The following LEKR1 variants were observed in gnomAD, a reference collection of about 807,000 sequenced individuals.
LEKR1 encodes the protein leucine, glutamate and lysine rich 1.
Under a neutral mutation model 72.4 loss-of-function variants are expected in LEKR1, and 59 were observed. The ratio of observed to expected loss-of-function variants is 0.82; its 90% CI spans 0.66 to 1.01. The LOEUF (loss-of-function observed/expected upper bound fraction) is 1.01, where lower values mean the gene tolerates loss of function less well. Ranked by LOEUF, LEKR1 falls within the 50% of genes least tolerant of loss-of-function variation. The pLI is 0.00. For missense variants in LEKR1, 728 were observed against 759.2 expected, an observed-to-expected ratio of 0.96 and a Z score of 0.48; for synonymous variants, 257 against 263.2, an observed-to-expected ratio of 0.98 and a Z score of 0.23.
intron 12 of LEKR1, among the ~76,000 whole-genome samples, chr3:157,035,831 G>T (rs555938640): frequency 6.6e-6 from 1 of 152,170 alleles, no homozygotes; most frequent in Admixed American, 6.6e-5. Flanking sequence ...CCCAGAAGGT[G>T]GAGGTTGCAG....
Position 156,870,589 on chromosome 3 carries a change from G to A in LEKR1, c.263+17607G>A, listed in dbSNP as rs564075057. ...CAGATCTAAGAGTTTTTTTCATAGA[G>A]TCTTTAGGTTTTTCTAGATATTTAT... On this transcript the variant is annotated intron_variant, in intron 3 of 12. Coordinates refer to ENST00000356539, the MANE Select transcript of LEKR1 (RefSeq NM_001004316.3). Among the ~76,000 whole-genome samples, 3 of 152,024 alleles carry A rather than the reference G, an allele frequency of 2.0e-5. No homozygotes were observed. In the South Asian group the frequency reaches 6.2e-4, roughly 32 times the overall value.
At chr3:156,879,481 G>T (rs967496699) in intron 3 of LEKR1, among the ~76,000 whole-genome samples, 2 of 152,086 alleles carry the variant, frequency 1.3e-5, no homozygotes, top group Non-Finnish European at 2.9e-5. Flanking sequence ...AAGGGAAACA[G>T]CATAAAAGTT....
chr3:156,878,076 G>T (rs191747725), intron 3 of LEKR1, among the ~76,000 whole-genome samples: 74 of 151,778 alleles, frequency 4.9e-4, no homozygotes, highest in Non-Finnish European at 7.2e-4. Flanking sequence ...CCACCGCACT[G>T]CCCAGCCTCA....
chr3:156,926,075 A>T (rs1724692828), intron 4 of LEKR1, among the ~76,000 whole-genome samples: 1 of 152,062 alleles, frequency 6.6e-6, no homozygotes. Context: ...TAAATTTTTT[A>T]AAGTTCTTGG....
intron 10 of LEKR1, among the ~76,000 whole-genome samples, chr3:157,016,519 A>G (rs1733351228): frequency 6.6e-6 from 1 of 152,098 alleles, no homozygotes; most frequent in Admixed American, 6.6e-5. Flanking sequence ...TAAAATGAAG[A>G]CTTCTTCAGA....
intron 6 of LEKR1, among the ~76,000 whole-genome samples, chr3:156,966,831 T>G (rs1297303786): frequency 6.6e-6 from 1 of 152,146 alleles, no homozygotes; most frequent in Non-Finnish European, 1.5e-5. Flanking sequence ...GACTGCCTCC[T>G]CAAGTGGGTC....
intron 12 of LEKR1, among the ~76,000 whole-genome samples, chr3:157,045,100 T>C (rs1735657686): frequency 6.6e-6 from 1 of 152,178 alleles, no homozygotes; most frequent in Admixed American, 6.5e-5. Flanking sequence ...GTCTCTGTAG[T>C]TCTTGACTCC....
chr3:156,992,665 T>C lies in LEKR1; in HGVS notation c.840T>C (p.Asn280=). The change falls in exon 8 of 13, where the codon AAT becomes AAC. Residue 280 remains asparagine (N), a synonymous_variant. Transcript: ENST00000356539. Reference sequence around the variant, plus strand: ...TGTATTATTTTAGGAATAAATCTAATGAAGCTGATGACTGTCAAAGAGAAC... The same window carrying C: ...TGTATTATTTTAGGAATAAATCTAACGAAGCTGATGACTGTCAAAGAGAAC... ...NYKEMLMNKS[N]EADDCQRELK... is the part of the protein sequence containing the mutation. 1 of 917,780 alleles carries C rather than the reference T, an allele frequency of 1.1e-6. No homozygotes were observed. Among genetic ancestry groups the C allele is most frequent in the Non-Finnish European group, 1.4e-6 (1 of 717,034 alleles). The allele number at this position is 917,780 out of a possible 1,614,324, so 56.9% of individuals were successfully genotyped here.
At chr3:156,841,134 C>A (rs970683888) in intron 2 of LEKR1, among the ~76,000 whole-genome samples, 1 of 152,126 alleles carries the variant, frequency 6.6e-6, no homozygotes, top group African/African-American at 2.4e-5. Context: ...AAAGAGGAAT[C>A]CCTGCATGGT....
chr3:156,855,730 A>G (rs1008140815), intron 3 of LEKR1, among the ~76,000 whole-genome samples: 2 of 152,178 alleles, frequency 1.3e-5, no homozygotes, highest in Non-Finnish European at 2.9e-5. Context: ...TTGGAAGAGT[A>G]TGAGGTGATA....
chr3:156,993,126 A>T lies in LEKR1; in HGVS notation c.958A>T (p.Ile320Leu), dbSNP rs1189746212. 2 of 1,612,130 alleles carry T rather than the reference A, an allele frequency of 1.2e-6. No homozygotes were observed. The highest frequency in any genetic ancestry group is 8.5e-7 in the Non-Finnish European group (1 of 1,179,114). The change falls in exon 9 of 13, where the codon ATA (isoleucine) becomes TTA (leucine). Residue 320 changes from isoleucine (I) to leucine (L), a missense_variant. Physicochemically the swap from Ile to Leu is conservative, Grantham distance 5. Transcript: ENST00000356539. ...AGACTCTTTAATGACTTGTCAACAG[A>T]TATATAAAGCATTACAGGAAGAGCT... ...KEDSLMTCQQ[I>L]YKALQEELTV... is the part of the protein sequence containing the mutation.
chr3:156,981,148 G>A (rs181352720), intron 7 of LEKR1, among the ~76,000 whole-genome samples: 1 of 152,224 alleles, frequency 6.6e-6, no homozygotes, highest in Admixed American at 6.5e-5. Flanking sequence ...GTGTGTAGTA[G>A]GTTATTCCAT....
intron 2 of LEKR1, among the ~76,000 whole-genome samples, chr3:156,843,323 G>A (rs554416913): frequency 1.3e-5 from 2 of 152,182 alleles, no homozygotes; most frequent in African/African-American, 4.8e-5. Context: ...GGACATATGT[G>A]GAAATCAAAA....
At chr3:156,899,115 C>T (rs1721506521) in intron 3 of LEKR1, among the ~76,000 whole-genome samples, 1 of 151,718 alleles carries the variant, frequency 6.6e-6, no homozygotes, top group Non-Finnish European at 1.5e-5. Flanking sequence ...ACTAAGGAAC[C>T]ACTATAATTT....
intron 3 of LEKR1, among the ~76,000 whole-genome samples, chr3:156,872,718 A>G (rs577580076): frequency 5.9e-4 from 90 of 151,970 alleles, no homozygotes; most frequent in South Asian, 3.9e-3. Flanking sequence ...GTTCAGGAGC[A>G]TGTTGTTTAA....
At chr3:156,853,118 T>C (rs1715601686) in intron 3 of LEKR1, 136 bp downstream of exon 3, 1 of 402,870 alleles carries the variant, frequency 2.5e-6, no homozygotes, top group Non-Finnish European at 4.3e-6. Context: ...TTCTTAATTA[T>C]ATTAATAATT....
At chr3:156,940,243 T>C (rs537419413) in intron 5 of LEKR1, among the ~76,000 whole-genome samples, 132 of 152,296 alleles carry the variant, frequency 8.7e-4, no homozygotes, top group Non-Finnish European at 1.5e-3. Context: ...AAATAACTTA[T>C]AGTCCAATAG....
At chr3:156,912,153 T>C (rs1322570927) in intron 3 of LEKR1, among the ~76,000 whole-genome samples, 1 of 152,198 alleles carries the variant, frequency 6.6e-6, no homozygotes, top group East Asian at 1.9e-4. Flanking sequence ...TTTTTTTATT[T>C]CAATAGCTTT....
At chr3:156,983,619 C>T (rs1402070959) in intron 7 of LEKR1, among the ~76,000 whole-genome samples, 1 of 151,778 alleles carries the variant, frequency 6.6e-6, no homozygotes, top group Non-Finnish European at 1.5e-5. Context: ...GGCCCCTCAT[C>T]AATACCCTAC....
Sources: gnomAD v4.1 joint callset for allele counts (sites outside exome capture counted in the v4.1 genomes callset) on GRCh38, gnomAD v4.1.1 for gene constraint, MANE v1.5 for transcripts, NCBI Gene and HGNC (gene_info 2026-07-23, HGNC 2026-07-21) for gene names.